SLC8A1: variants seen among roughly 807,000 people sequenced by gnomAD.
The protein encoded by SLC8A1 is sodium/calcium exchanger 1.
In SLC8A1, 18 loss-of-function variants were observed where a neutral mutation model predicts 68.3. That is an observed-to-expected ratio of 0.26 (90% CI 0.18 to 0.39). The LOEUF is 0.39. Among genes scored for constraint, SLC8A1 ranks in the 10% least tolerant of loss-of-function variants. The pLI is 1.00. For missense variants in SLC8A1, 985 were observed against 1,156.7 expected (o/e 0.85, Z 2.15); for synonymous variants, 475 against 415.5 (o/e 1.14, Z -1.74).
At chr2:40,171,532 A>G (rs9309053) in intron 4 of SLC8A1, among the ~76,000 whole-genome samples, 23,341 of 152,212 alleles carry the variant, frequency 0.15, 1,957 homozygotes, top group African/African-American at 0.21. Flanking sequence ...ACTGGAAGTC[A>G]TAATGATGGA....
intron 2 of SLC8A1, among the ~76,000 whole-genome samples, chr2:40,400,400 C>T (rs1688356997): frequency 6.6e-6 from 1 of 152,164 alleles, no homozygotes; most frequent in African/African-American, 2.4e-5. Context: ...AGGAGTCAGA[C>T]TGGGCTATCT....
At chr2:40,434,514 A>G (rs1699016871) in intron 1 of SLC8A1, among the ~76,000 whole-genome samples, 1 of 152,168 alleles carries the variant, frequency 6.6e-6, no homozygotes, top group African/African-American at 2.4e-5. Flanking sequence ...TCCCTCAAAT[A>G]TACATTTCCA....
intron 2 of SLC8A1, among the ~76,000 whole-genome samples, chr2:40,253,652 C>CCTAT (rs151149359): frequency 0.11 from 16,461 of 151,296 alleles, 917 homozygotes; most frequent in African/African-American, 0.15. Context: ...ATGGTGAAAC[C>CCTAT]CTATCTCTAC....
chr2:40,502,177 C>T (rs1171451041), intron 1 of SLC8A1, among the ~76,000 whole-genome samples: 1 of 152,062 alleles, frequency 6.6e-6, no homozygotes, highest in Non-Finnish European at 1.5e-5. Context: ...CTTATAGTCA[C>T]TACAAAACTT....
chr2:40,349,649 G>A (rs756963224), intron 2 of SLC8A1, among the ~76,000 whole-genome samples: 6 of 152,170 alleles, frequency 3.9e-5, no homozygotes, highest in Non-Finnish European at 7.3e-5. Context: ...TGCCTGGCAT[G>A]TAAGAAGTGT....
At chr2:40,330,987 T>C (rs914631325) in intron 2 of SLC8A1, among the ~76,000 whole-genome samples, 2 of 152,198 alleles carry the variant, frequency 1.3e-5, no homozygotes, top group African/African-American at 4.8e-5. Flanking sequence ...ATAAATACTT[T>C]CTTTCTTCCA....
At chr2:40,213,462 A>T (rs752975416) in intron 2 of SLC8A1, 1 of 152,222 alleles carries the variant, frequency 6.6e-6, no homozygotes, top group Non-Finnish European at 1.5e-5. Context: ...TCTTGAGCTT[A>T]AGGTGCATCT....
intron 2 of SLC8A1, among the ~76,000 whole-genome samples, chr2:40,191,363 A>C (rs2051800001): frequency 6.6e-6 from 1 of 152,160 alleles, no homozygotes; most frequent in Non-Finnish European, 1.5e-5. Context: ...TTTGGAGTTC[A>C]TATTCTTGAT....
At position 40,372,889 on chromosome 2, in the gene SLC8A1, C is replaced by G. The variant is rs73926635; in HGVS notation, c.1808+55584G>C. ...GGGAGGGATAGCAAATTGCCTCACT[C>G]TACTAGTGAATGAATAGAAGAGAAA... is the stretch of plus-strand genomic sequence containing the variant. On this transcript the variant is annotated intron_variant, in intron 2 of 7. Coordinates refer to ENST00000406785, the Ensembl canonical transcript of SLC8A1. 2.9e-3 allele frequency among the ~76,000 whole-genome samples: 448 copies of G among 152,150 alleles called. 2 individuals are homozygous for G. The highest frequency in any genetic ancestry group is 0.01 in the African/African-American group (426 of 41,536).
intron 2 of SLC8A1, among the ~76,000 whole-genome samples, chr2:40,292,122 A>T (rs2069442540): frequency 6.6e-6 from 1 of 152,156 alleles, no homozygotes. Context: ...GTGGAAAGAA[A>T]TTTTAAAAAG....
intron 6 of SLC8A1, 113 bp from the exon 10 acceptor site, chr2:40,139,789 A>G (rs2041214124): frequency 9.4e-7 from 1 of 1,067,482 alleles, no homozygotes; most frequent in East Asian, 2.4e-5. Context: ...ACAGGAGGCC[A>G]TGAGAGGTGG....
intron 7 of SLC8A1, among the ~76,000 whole-genome samples, chr2:40,121,312 G>C (rs11676744): frequency 0.42 from 63,982 of 151,956 alleles, 13,893 homozygotes; most frequent in Middle Eastern, 0.52. Flanking sequence ...GATACTACTC[G>C]AAGTGCCCAC....
intron 2 of SLC8A1, among the ~76,000 whole-genome samples, chr2:40,322,851 C>A (rs2075369111): frequency 6.7e-6 from 1 of 149,616 alleles, no homozygotes; most frequent in Admixed American, 6.7e-5. Context: ...CACACACACA[C>A]CACACACACC....
At chr2:40,372,653 T>C (rs548128919) in intron 2 of SLC8A1, among the ~76,000 whole-genome samples, 1 of 152,168 alleles carries the variant, frequency 6.6e-6, no homozygotes, top group Non-Finnish European at 1.5e-5. Flanking sequence ...TTGAAAGTAT[T>C]CAACTATTCT....
chr2:40,256,676 G>C (rs1450744950), intron 2 of SLC8A1, among the ~76,000 whole-genome samples: 1 of 151,740 alleles, frequency 6.6e-6, no homozygotes, highest in African/African-American at 2.4e-5. Flanking sequence ...GCTAAGCCAG[G>C]CAATGGAGGG....
chr2:40,383,769 C>A (rs1271457875), intron 2 of SLC8A1, among the ~76,000 whole-genome samples: 1 of 152,066 alleles, frequency 6.6e-6, no homozygotes, highest in African/African-American at 2.4e-5. Flanking sequence ...TACAGATCCA[C>A]AGAAGTCACA....
intron 2 of SLC8A1, among the ~76,000 whole-genome samples, chr2:40,357,497 T>TAAA (rs71406059): frequency 0.38 from 43,571 of 114,820 alleles, 8,278 homozygotes; most frequent in Admixed American, 0.46. Flanking sequence ...ACCCTGTCTT[T>TAAA]AAAAAAAAAA....
exon 8 of SLC8A1, chr2:40,098,698 A>G (rs966003558): frequency 6.6e-6 from 1 of 152,084 alleles, no homozygotes; most frequent in African/African-American, 2.4e-5. Flanking sequence ...ATCTAGCATT[A>G]TGCAGTTGAT....
At chr2:40,343,734 CTG>C (rs1559323398) in intron 2 of SLC8A1, among the ~76,000 whole-genome samples, 1 of 152,008 alleles carries the variant, frequency 6.6e-6, no homozygotes. Flanking sequence ...TCATGACAGA[CTG>C]AGAAAAATAT....
Sources: allele counts gnomAD v4.1 joint callset (sites outside exome capture counted in the v4.1 genomes callset), GRCh38; gene constraint gnomAD v4.1.1; transcripts MANE v1.5; gene names NCBI Gene and HGNC (gene_info 2026-07-23, HGNC 2026-07-21).